MYO9B: variants seen among roughly 807,000 people sequenced by gnomAD.
MYO9B encodes unconventional myosin-IXb.
A neutral mutation model predicts 229.5 loss-of-function variants in MYO9B; 71 were observed. The ratio of observed to expected loss-of-function variants is 0.31; its 90% CI spans 0.26 to 0.38. MYO9B has a LOEUF of 0.38. Ranked by LOEUF, MYO9B falls within the 10% of genes least tolerant of loss-of-function variation. The probability of loss-of-function intolerance (pLI) is 1.00; values close to 1 mark genes in which losing one functional copy is unlikely to be tolerated. For synonymous variants in MYO9B, 1,185 were observed against 1,235.8 expected, an observed-to-expected ratio of 0.96 and a Z score of 0.86; for missense variants, 2,255 against 2,920.5, an observed-to-expected ratio of 0.77 and a Z score of 5.25.
intron 6 of MYO9B, among the ~76,000 whole-genome samples, chr19:17,155,794 G>A (rs1333800579): frequency 6.6e-6 from 1 of 152,052 alleles, no homozygotes; most frequent in Non-Finnish European, 1.5e-5. Flanking sequence ...CAAGGCAGGT[G>A]GATTGCCTGA....
chr19:17,085,395 G>A (rs938754828), intron 1 of MYO9B, among the ~76,000 whole-genome samples: 1 of 152,092 alleles, frequency 6.6e-6, no homozygotes, highest in Non-Finnish European at 1.5e-5. Flanking sequence ...GAAGCATGGG[G>A]CAGATGGGGG....
chr19:17,143,275 C>T (rs971591359), intron 2 of MYO9B, among the ~76,000 whole-genome samples: 2 of 152,016 alleles, frequency 1.3e-5, no homozygotes, highest in African/African-American at 2.4e-5. Flanking sequence ...CACACACAAC[C>T]TCAGACACAG....
intron 4 of MYO9B, 39 bp downstream of exon 4, chr19:17,152,745 C>T (rs1437785771): frequency 1.3e-6 from 2 of 1,546,762 alleles, no homozygotes; most frequent in South Asian, 2.3e-5. Flanking sequence ...GAATGCCACG[C>T]CATGTCTACG....
At chr19:17,099,048 G>T (rs10401600) in intron 1 of MYO9B, 56,079 of 150,966 alleles carry the variant, frequency 0.37, 11,352 homozygotes, top group Middle Eastern at 0.51. Flanking sequence ...AAGCCGAAGT[G>T]GGTGGATCAC....
At chr19:17,205,233 T>C in intron 30 of MYO9B, 30 bp from the exon 31 acceptor site, 1 of 1,605,568 alleles carries the variant, frequency 6.2e-7, no homozygotes, top group Non-Finnish European at 8.5e-7. Flanking sequence ...CCCAGCACCC[T>C]CTGTGACTCC....
At chr19:17,211,522 G>T in intron 38 of MYO9B, 125 bp from the exon 39 acceptor site, 1 of 900,590 alleles carries the variant, frequency 1.1e-6, no homozygotes, top group Non-Finnish European at 1.6e-6. Flanking sequence ...CAATCCTCCT[G>T]CTTGGGGTGG....
rs145716222 is a variant in MYO9B, at chr19:17,149,614, G to A, written c.936-3030G>A. Among the ~76,000 whole-genome samples, 593 of 152,282 alleles carry A rather than the reference G, an allele frequency of 3.9e-3. 4 individuals carry two copies. Among genetic ancestry groups the A allele is most frequent in the South Asian group, 0.033 (158 of 4,828 alleles). ...GGCCGCAGCGATCACACAAAGAGCCGGCTCAGACCGGTTCTGCTTTTGCCC... is the reference window on the plus strand; with the variant it reads ...GGCCGCAGCGATCACACAAAGAGCCAGCTCAGACCGGTTCTGCTTTTGCCC... On this transcript the variant is annotated intron_variant, in intron 3 of 39. Transcript: ENST00000682292.
chr19:17,210,262 G>C (rs1291860760), intron 36 of MYO9B, 71 bp from the exon 37 acceptor site: 1 of 1,442,754 alleles, frequency 6.9e-7, no homozygotes, highest in Admixed American at 2.5e-5. Context: ...ACCGGTCATT[G>C]GATGTATCCC....
rs373181703 is a variant in MYO9B at position 17,206,253 on chromosome 19, G to A, written c.5263G>A (p.Ala1755Thr). Residue 1755 changes from alanine (A) to threonine (T), a missense_variant, in exon 33 of 40, where the codon GCA becomes ACA. Transcript: ENST00000682292. ...CCACCCCACCCACCCCACAGACCCCGCAGCAGTCAAGCTGGAGAACTTCCC... is the reference window on the plus strand; with the variant it reads ...CCACCCCACCCACCCCACAGACCCCACAGCAGTCAAGCTGGAGAACTTCCC... Reference protein sequence around the residue: ...ELRQALQTDPAAVKLENFPIH... With the variant: ...ELRQALQTDPTAVKLENFPIH... 1.1e-4 allele frequency: 23 copies of A among 211,698 alleles called. No homozygotes were observed. The highest frequency in any genetic ancestry group is 7.5e-4 in the African/African-American group (9 of 11,998). 13.1% of individuals were successfully genotyped at this position (211,698 alleles called of 1,614,324 possible).
rs11882229 is a variant in MYO9B at position 17,195,588 on chromosome 19, G to A, written c.4046+115G>A. On this transcript the variant is annotated intron_variant, in intron 22 of 39. Transcript: ENST00000682292. This position sits in a 1 kb window ranked among gnomAD's most constrained non-coding sequence, Gnocchi z 4.5. Reference sequence around the variant, plus strand: ...GTGTAATCATGCCCAGTGGGTGTGCGGGAGGCCTGAGGGAGGAGGACGAGC... The same window carrying A: ...GTGTAATCATGCCCAGTGGGTGTGCAGGAGGCCTGAGGGAGGAGGACGAGC... The A allele has an allele frequency of 0.041, 55,304 of 1,338,736 alleles. 2,385 individuals carry two copies. The highest frequency in any genetic ancestry group is 0.22 in the African/African-American group (14,889 of 68,832). 82.9% of individuals were successfully genotyped at this position (1,338,736 alleles called of 1,614,324 possible).
At chr19:17,188,535 C>T (rs1424755074) in intron 19 of MYO9B, among the ~76,000 whole-genome samples, 1 of 151,932 alleles carries the variant, frequency 6.6e-6, no homozygotes, top group Non-Finnish European at 1.5e-5. Flanking sequence ...GGTTCCCTTT[C>T]ACGCTTTCCC....
At chr19:17,096,706 G>GTT (rs71180359) in intron 1 of MYO9B, among the ~76,000 whole-genome samples, 85 of 21,392 alleles carry the variant, frequency 4.0e-3, no homozygotes, top group Middle Eastern at 0.028. Context: ...GTTGTTGTTG[G>GTT]TTTTTTTTTT....
In MYO9B at chr19:17,212,338, C is replaced by G. The variant is rs776916711; in HGVS notation, c.*28C>G. ...GCCACAGCTGACAAAGTCTGCATGT[C>G]CGAGGACGGCCCCTGCACTGGAGCT... On this transcript the variant is annotated 3_prime_UTR_variant, in exon 40 of 40. Transcript: ENST00000682292. The surrounding 1 kb of genome is among the most constrained non-coding windows in gnomAD (Gnocchi z 5.4). The G allele has an allele frequency of 1.4e-6, 2 of 1,446,784 alleles. No homozygotes were observed. Among genetic ancestry groups the G allele is most frequent in the Non-Finnish European group, 1.8e-6 (2 of 1,106,420 alleles). 89.6% of individuals were successfully genotyped at this position (1,446,784 alleles called of 1,614,324 possible).
Position 17,206,146 on chromosome 19 carries a change from C to T in MYO9B, c.5251C>T (p.Gln1751Ter), listed in dbSNP as rs767198502. 6.2e-7 allele frequency: 1 copy of T among 1,607,100 alleles called. No individual in the cohort carries two copies. The highest frequency in any genetic ancestry group is 1.1e-5 in the South Asian group (1 of 90,740). ...CACTCGGGAGCTCCGGCAGGCGCTG[C>T]AGACAGGTGGGCGCTGTGGGCAGGT... ...NRTRELRQAL[Q>*]TDPAAVKLEN... The change falls in exon 32 of 40, where the codon CAG (glutamine) becomes TAG (stop). Residue 1751 changes from glutamine (Q) to a stop codon, truncating the protein, a stop_gained. Transcript: ENST00000682292. LOFTEE classifies it high-confidence loss of function.
At chr19:17,191,268 C>T in intron 20 of MYO9B, 49 bp downstream of exon 20, 2 of 1,575,074 alleles carry the variant, frequency 1.3e-6, no homozygotes, top group Non-Finnish European at 1.7e-6. Context: ...CCCTGCCTTC[C>T]ACCGCACACC....
intron 2 of MYO9B, among the ~76,000 whole-genome samples, chr19:17,124,396 C>G (rs1599347247): frequency 6.6e-6 from 1 of 152,154 alleles, no homozygotes; most frequent in Non-Finnish European, 1.5e-5. Context: ...AGAACAATTA[C>G]AAGTGACACT....
intron 1 of MYO9B, among the ~76,000 whole-genome samples, chr19:17,082,398 C>A (rs1034810545): frequency 2.0e-5 from 3 of 152,136 alleles, no homozygotes. Context: ...ACCGCTGCTT[C>A]CTCACGAGTG....
At chr19:17,199,199 T>A (rs1436874168) in intron 24 of MYO9B, among the ~76,000 whole-genome samples, 2 of 136,872 alleles carry the variant, frequency 1.5e-5, no homozygotes, top group Non-Finnish European at 3.1e-5. Context: ...TGACACTCTG[T>A]CTCAAAAAAA....
At chr19:17,168,210 G>T in intron 11 of MYO9B, 146 bp downstream of exon 11, 1 of 1,206,646 alleles carries the variant, frequency 8.3e-7, no homozygotes, top group African/African-American at 1.5e-5. Flanking sequence ...TGTCACCCAG[G>T]CTGGAGTGTA....
Sources: allele counts gnomAD v4.1 joint callset (sites outside exome capture counted in the v4.1 genomes callset), GRCh38; gene constraint gnomAD v4.1.1; non-coding constraint Gnocchi (gnomAD v3.1); transcripts MANE v1.5; gene names NCBI Gene and HGNC (gene_info 2026-07-23, HGNC 2026-07-21).